FAM13B: variants seen among roughly 807,000 people sequenced by gnomAD.
FAM13B encodes family with sequence similarity 13 member B, also known as protein FAM13B.
A neutral mutation model predicts 117.3 loss-of-function variants in FAM13B; 60 were observed. The ratio of observed to expected loss-of-function variants is 0.51; its 90% CI spans 0.42 to 0.63. The LOEUF (loss-of-function observed/expected upper bound fraction) is 0.63, where lower values mean the gene tolerates loss of function less well. Among genes scored for constraint, FAM13B ranks in the 30% least tolerant of loss-of-function variants. The pLI, the probability that FAM13B is intolerant of heterozygous loss-of-function variation, is 0.00. For synonymous variants in FAM13B, 332 were observed against 356.1 expected, an observed-to-expected ratio of 0.93 and a Z score of 0.76; for missense variants, 972 against 1,091.9, an observed-to-expected ratio of 0.89 and a Z score of 1.55.
At position 137,995,426 on chromosome 5, in the gene FAM13B, T is replaced by C. The variant is rs1236565953; in HGVS notation, c.849-7111A>G. Reference sequence around the variant, plus strand: ...TAACCAGGGACATAAATTATAAATATGAAATTACTAAAATATGCAAAATAG... The same window carrying C: ...TAACCAGGGACATAAATTATAAATACGAAATTACTAAAATATGCAAAATAG... On this transcript the variant is annotated intron_variant, in intron 7 of 23. Coordinates refer to ENST00000689681, the MANE Select transcript of FAM13B (RefSeq NM_001385994.1). Among the ~76,000 whole-genome samples, 5 of 152,324 alleles carry C rather than the reference T, an allele frequency of 3.3e-5. No individual in the cohort carries two copies. In the South Asian group the frequency reaches 6.2e-4, roughly 19 times the overall value.
Position 137,987,477 on chromosome 5 carries a change from C to G in FAM13B, c.1030G>C (p.Glu344Gln). The G allele has an allele frequency of 1.2e-6, 2 of 1,610,816 alleles. No homozygotes were observed. Among genetic ancestry groups the G allele is most frequent in the Non-Finnish European group, 1.7e-6 (2 of 1,178,604 alleles). ...GTTTCTTACTGGTTATTAGATCCTTCCCCATCACAATGAATACTTTCTGCT... is the reference window on the plus strand; with the variant it reads ...GTTTCTTACTGGTTATTAGATCCTTGCCCATCACAATGAATACTTTCTGCT... ...NEAESIHCDG[E>Q]GSNNQIDIAD... Residue 344 changes from glutamate (E) to glutamine (Q), a missense_variant, in exon 9 of 24, where the codon GAA (glutamate) becomes CAA (glutamine). Transcript: ENST00000689681.
intron 17 of FAM13B, among the ~76,000 whole-genome samples, chr5:137,950,037 G>T (rs1764522748): frequency 6.6e-6 from 1 of 152,114 alleles, no homozygotes; most frequent in Non-Finnish European, 1.5e-5. Flanking sequence ...GCCTATTATT[G>T]AATAAAATGC....
intron 10 of FAM13B, among the ~76,000 whole-genome samples, chr5:137,966,523 A>AGAGAGAGAGAGAGAGG (rs1554069751): frequency 7.2e-6 from 1 of 138,246 alleles, no homozygotes; most frequent in Non-Finnish European, 1.6e-5. Flanking sequence ...AGAGAGAGAG[A>AGAGAGAGAGAGAGAGG]GGGAAAGAGA....
chr5:137,966,459 TTA>T (rs373885448), intron 10 of FAM13B, among the ~76,000 whole-genome samples: 1,128 of 50,166 alleles, frequency 0.022, 29 homozygotes, highest in East Asian at 0.094. Flanking sequence ...GAAATAGATT[TTA>T]TATATATATA....
chr5:137,968,251 G>C (rs1770728483), intron 10 of FAM13B, among the ~76,000 whole-genome samples: 1 of 142,378 alleles, frequency 7.0e-6, no homozygotes, highest in Non-Finnish European at 1.5e-5. Context: ...GTAAAAGAAA[G>C]TCACAATGTA....
chr5:137,946,323 C>T lies in FAM13B; in HGVS notation c.2161-12G>A. The T allele has an allele frequency of 9.2e-7, 1 of 1,084,808 alleles. No individual in the cohort carries two copies. Among genetic ancestry groups the T allele is most frequent in the Non-Finnish European group, 1.2e-6 (1 of 803,766 alleles). 67.2% of individuals were successfully genotyped at this position (1,084,808 alleles called of 1,614,324 possible). A position where few individuals can be genotyped will look rare whatever the true frequency, so the allele number is the denominator to read the frequency against. ...TCTTTGGTCATTTTCTGGAATTAAA[C>T]AAAAAAAATAACAAAATACAAAAAA... On this transcript the variant is annotated splice_polypyrimidine_tract_variant and intron_variant, in intron 18 of 23. Transcript: ENST00000689681.
intron 1 of FAM13B, among the ~76,000 whole-genome samples, chr5:138,041,742 G>A (rs1561559525): frequency 6.6e-6 from 1 of 151,564 alleles, no homozygotes; most frequent in Non-Finnish European, 1.5e-5. Context: ...TTTGAAACCA[G>A]CCTGGGCAAC....
At chr5:137,965,727 G>A (rs531358144) in intron 10 of FAM13B, among the ~76,000 whole-genome samples, 12 of 152,184 alleles carry the variant, frequency 7.9e-5, no homozygotes, top group Admixed American at 3.3e-4. Flanking sequence ...ACTAGTACAC[G>A]TCAAATTTAT....
intron 1 of FAM13B, among the ~76,000 whole-genome samples, chr5:138,047,273 G>A (rs955168975): frequency 4.6e-5 from 7 of 151,438 alleles, no homozygotes; most frequent in East Asian, 2.0e-4. Context: ...TTGGGAGGCC[G>A]AGGCGGGTGG....
At chr5:138,046,798 G>A (rs974902089) in intron 1 of FAM13B, among the ~76,000 whole-genome samples, 4 of 151,980 alleles carry the variant, frequency 2.6e-5, no homozygotes, top group Non-Finnish European at 5.9e-5. Context: ...CCAGGCTGGA[G>A]TACAGTGGCA....
At chr5:138,005,839 T>C (rs1349753996) in intron 7 of FAM13B, among the ~76,000 whole-genome samples, 2 of 152,232 alleles carry the variant, frequency 1.3e-5, no homozygotes, top group East Asian at 3.9e-4. Flanking sequence ...GCTCTTCCCT[T>C]AGATATTACC....
intron 4 of FAM13B, among the ~76,000 whole-genome samples, chr5:138,014,829 G>A (rs1784882041): frequency 1.3e-5 from 2 of 152,166 alleles, no homozygotes; most frequent in South Asian, 4.1e-4. Flanking sequence ...TTCAAATAAG[G>A]CAGAGAAGCA....
intron 15 of FAM13B, 75 bp downstream of exon 15, chr5:137,954,091 T>C: frequency 1.2e-6 from 1 of 864,058 alleles, no homozygotes; most frequent in Non-Finnish European, 1.7e-6. Context: ...AAGCCCAGGC[T>C]GGAAGACTAA....
chr5:138,033,095 G>A (rs7701714), upstream of FAM13B: 3,027 of 982,832 alleles, frequency 3.1e-3, 54 homozygotes, highest in African/African-American at 0.045. Context: ...GCGGAGGCCG[G>A]GCCGGACGTG....
intron 1 of FAM13B, chr5:138,039,920 A>G (rs747724736): frequency 2.0e-5 from 3 of 152,276 alleles, no homozygotes; most frequent in Non-Finnish European, 4.4e-5. Flanking sequence ...GCTCATCAGC[A>G]GAGAAGCTCC....
At chr5:137,951,305 T>C (rs1375681652) in intron 17 of FAM13B, among the ~76,000 whole-genome samples, 1 of 151,604 alleles carries the variant, frequency 6.6e-6, no homozygotes, top group Non-Finnish European at 1.5e-5. Flanking sequence ...ACTCTGTCTG[T>C]CTTGTTCACT....
At chr5:138,051,260 C>T (rs1467442937) in intron 1 of FAM13B, among the ~76,000 whole-genome samples, 1 of 151,992 alleles carries the variant, frequency 6.6e-6, no homozygotes, top group East Asian at 1.9e-4. Flanking sequence ...TTCTAGTTTT[C>T]ACTATGAAAA....
intron 18 of FAM13B, among the ~76,000 whole-genome samples, chr5:137,947,293 T>C (rs1461522284): frequency 6.6e-6 from 1 of 152,254 alleles, no homozygotes; most frequent in Non-Finnish European, 1.5e-5. Flanking sequence ...CTATAACAAA[T>C]ATAACTTTAG....
chr5:138,031,067 G>A lies in FAM13B; in HGVS notation c.-203+1715C>T, dbSNP rs561261852. Among the ~76,000 whole-genome samples the A allele has an allele frequency of 2.6e-5, 4 of 151,846 alleles. No homozygotes were observed. In the East Asian group the frequency reaches 7.7e-4, roughly 29 times the overall value. On this transcript the variant is annotated intron_variant, in intron 1 of 23. Coordinates refer to ENST00000689681, the MANE Select transcript of FAM13B (RefSeq NM_001385994.1). ...CAAAACAGTAATTTACACTATTATA[G>A]TCCCCAAATTTAAAATTTGAATACG...
Sources: gnomAD v4.1 joint callset for allele counts (sites outside exome capture counted in the v4.1 genomes callset) on GRCh38, gnomAD v4.1.1 for gene constraint, MANE v1.5 for transcripts, NCBI Gene and HGNC (gene_info 2026-07-23, HGNC 2026-07-21) for gene names.